Variants in SNX29 observed in about 807,000 individuals in gnomAD.
The protein encoded by SNX29 is sorting nexin-29.
Under a neutral mutation model 102.1 loss-of-function variants are expected in SNX29, and 78 were observed. The ratio of observed to expected loss-of-function variants is 0.76; its 90% CI spans 0.64 to 0.92. SNX29 has a LOEUF of 0.92. SNX29 is among the 40% of genes least tolerant of loss of function. The pLI is 0.00. For missense variants in SNX29, 1,280 were observed against 1,061.7 expected (o/e 1.21, Z -2.86); for synonymous variants, 580 against 414.5 (o/e 1.40, Z -4.85).
At chr16:12,555,126 GC>G (rs141996425) in intron 20 of SNX29, among the ~76,000 whole-genome samples, 60,665 of 151,632 alleles carry the variant, frequency 0.4, 15,888 homozygotes, top group Middle Eastern at 0.6. Flanking sequence ...GTATCAAAAG[GC>G]TTATTCTCAG....
Position 12,572,775 on chromosome 16 carries a change from C to A in SNX29, c.*4146C>A, listed in dbSNP as rs773418271. The A allele has an allele frequency of 1.3e-5, 14 of 1,063,788 alleles. No individual in the cohort carries two copies. Among genetic ancestry groups the A allele is most frequent in the Non-Finnish European group, 1.6e-5 (14 of 878,276 alleles). 65.9% of individuals were successfully genotyped at this position (1,063,788 alleles called of 1,614,324 possible). A position where few individuals can be genotyped will look rare whatever the true frequency, so the allele number is the denominator to read the frequency against. On this transcript the variant is annotated 3_prime_UTR_variant, in exon 21 of 21. Coordinates refer to ENST00000566228, the MANE Select transcript of SNX29 (RefSeq NM_032167.5). ...CAGCTTCTGGGACCCGAGGAAGACCCCACCTCACTCCTCCTTCCCCAGTAC... is the reference window on the plus strand; with the variant it reads ...CAGCTTCTGGGACCCGAGGAAGACCACACCTCACTCCTCCTTCCCCAGTAC...
At chr16:12,408,162 AAACAAACAAACAAAC>A (rs1252246222) in intron 18 of SNX29, among the ~76,000 whole-genome samples, 9 of 150,776 alleles carry the variant, frequency 6.0e-5, no homozygotes, top group African/African-American at 2.2e-4. Flanking sequence ...CTTCTCAAAA[AAACAAACAAACAAAC>A]AAAAAAAAAA....
chr16:12,212,827 T>C (rs573273911), intron 14 of SNX29, among the ~76,000 whole-genome samples: 1 of 152,338 alleles, frequency 6.6e-6, no homozygotes, highest in South Asian at 2.1e-4. Context: ...TACTCAGTCA[T>C]AAAGGGCTGG....
At chr16:12,152,046 G>T (rs952117671) in intron 13 of SNX29, among the ~76,000 whole-genome samples, 1 of 151,942 alleles carries the variant, frequency 6.6e-6, no homozygotes, top group African/African-American at 2.4e-5. Flanking sequence ...TGGTGAAACC[G>T]CATCTCTACA....
chr16:12,361,875 C>G (rs1329469625), intron 16 of SNX29, among the ~76,000 whole-genome samples: 1 of 151,492 alleles, frequency 6.6e-6, no homozygotes, highest in African/African-American at 2.4e-5. Context: ...ATTTTCCTAC[C>G]TGGAATCTGT....
At chr16:12,286,811 T>C (rs889233049) in intron 15 of SNX29, among the ~76,000 whole-genome samples, 1 of 152,242 alleles carries the variant, frequency 6.6e-6, no homozygotes, top group African/African-American at 2.4e-5. Flanking sequence ...CAGCCTCTCA[T>C]GGTATTTTGA....
At chr16:12,512,641 G>C (rs1398648586) in intron 19 of SNX29, among the ~76,000 whole-genome samples, 1 of 151,818 alleles carries the variant, frequency 6.6e-6, no homozygotes, top group Non-Finnish European at 1.5e-5. Flanking sequence ...TGGATACGCA[G>C]GCGGTTGATG....
rs956439363 is a variant in SNX29 at position 12,098,557 on chromosome 16, A to ACGATTCAGTTTCATGCGCGCC, written c.1402+19659_1402+19679dup. The stretch of plus-strand genomic sequence containing the variant: ...CACACCGTCGGTTTCATGTGCGCAG[A>ACGATTCAGTTTCATGCGCGCC]CGATTCAGTTTCATGCGCGCCCGAT... On this transcript the variant is annotated intron_variant, in intron 11 of 20. Coordinates refer to ENST00000566228, the MANE Select transcript of SNX29 (RefSeq NM_032167.5). The surrounding 1 kb of genome is among the most constrained non-coding windows in gnomAD (Gnocchi z 6.0). 6.6e-6 allele frequency among the ~76,000 whole-genome samples: 1 copy of ACGATTCAGTTTCATGCGCGCC among 152,106 alleles called. No individual in the cohort carries two copies. The highest frequency in any genetic ancestry group is 1.5e-5 in the Non-Finnish European group (1 of 68,010).
chr16:12,121,568 G>C (rs541849036), intron 11 of SNX29, among the ~76,000 whole-genome samples: 1 of 152,310 alleles, frequency 6.6e-6, no homozygotes, highest in Admixed American at 6.5e-5. Context: ...CTGTAGTAGC[G>C]CTTGACATTT....
chr16:12,064,837 T>G (rs1401296492), intron 9 of SNX29, among the ~76,000 whole-genome samples: 1 of 152,238 alleles, frequency 6.6e-6, no homozygotes, highest in South Asian at 2.1e-4. Flanking sequence ...CTTTTGTCCC[T>G]TCTGAGGGAC....
At chr16:12,558,232 C>CA (rs1022933600) in intron 20 of SNX29, among the ~76,000 whole-genome samples, 9 of 18,652 alleles carry the variant, frequency 4.8e-4, no homozygotes, top group Non-Finnish European at 1.7e-3. Context: ...CTCTCTTCAG[C>CA]CCCCCCAGTA....
intron 11 of SNX29, among the ~76,000 whole-genome samples, chr16:12,114,563 G>A (rs1012455535): frequency 8.6e-5 from 13 of 151,746 alleles, no homozygotes; most frequent in African/African-American, 1.7e-4. Context: ...GTTCTGTATC[G>A]TCATTCCTTT....
intron 14 of SNX29, among the ~76,000 whole-genome samples, chr16:12,230,743 A>G (rs1457391471): frequency 6.6e-6 from 1 of 152,238 alleles, no homozygotes; most frequent in African/African-American, 2.4e-5. Flanking sequence ...GCCATCACCT[A>G]GAAACTATTT....
intron 19 of SNX29, among the ~76,000 whole-genome samples, chr16:12,521,838 C>G (rs1483024371): frequency 6.6e-6 from 1 of 152,184 alleles, no homozygotes; most frequent in Non-Finnish European, 1.5e-5. Context: ...GTTGGAGGAC[C>G]CTGGGACAAC....
chr16:12,093,562 C>G (rs2052647468), intron 11 of SNX29: 1 of 152,230 alleles, frequency 6.6e-6, no homozygotes, highest in African/African-American at 2.4e-5. Flanking sequence ...TACTGTGAGC[C>G]TTGATCGCAC....
At chr16:12,379,310 G>A (rs1043485696) in intron 16 of SNX29, among the ~76,000 whole-genome samples, 4 of 152,234 alleles carry the variant, frequency 2.6e-5, no homozygotes, top group African/African-American at 9.6e-5. Flanking sequence ...TTGTAGAGTT[G>A]GGGGTCTCCG....
At chr16:12,561,346 C>T (rs1303002757) in intron 20 of SNX29, among the ~76,000 whole-genome samples, 1 of 151,824 alleles carries the variant, frequency 6.6e-6, no homozygotes, top group Non-Finnish European at 1.5e-5. Flanking sequence ...TGGTGAGACT[C>T]ACAGACTTAT....
chr16:12,318,909 A>AG (rs1392468530), intron 15 of SNX29, among the ~76,000 whole-genome samples: 2 of 152,198 alleles, frequency 1.3e-5, no homozygotes, highest in East Asian at 3.9e-4. Context: ...CTAGAGCTTC[A>AG]GTAAATTTAC....
intron 5 of SNX29, among the ~76,000 whole-genome samples, chr16:12,044,435 G>C (rs773692609): frequency 2.0e-5 from 3 of 152,072 alleles, no homozygotes; most frequent in Admixed American, 1.3e-4. Flanking sequence ...AGACTCTATG[G>C]GTCCAAAATG....
Sources: gnomAD v4.1 joint callset for allele counts (sites outside exome capture counted in the v4.1 genomes callset) on GRCh38, gnomAD v4.1.1 for gene constraint, Gnocchi (gnomAD v3.1) non-coding constraint, MANE v1.5 for transcripts, NCBI Gene and HGNC (gene_info 2026-07-23, HGNC 2026-07-21) for gene names.